HLCS: variants seen among roughly 807,000 people sequenced by gnomAD.
HLCS encodes the protein biotin--protein ligase.
In HLCS, 53 loss-of-function variants were observed where a neutral mutation model predicts 75.0. That is an observed-to-expected ratio of 0.71 (90% confidence interval 0.57 to 0.89). The LOEUF (loss-of-function observed/expected upper bound fraction) is 0.89. Among genes scored for constraint, HLCS ranks in the 40% least tolerant of loss-of-function variants. The probability of loss-of-function intolerance (pLI) is 0.00; values close to 1 mark genes in which losing one functional copy is unlikely to be tolerated. For missense variants in HLCS, 966 were observed against 1,074.0 expected (o/e 0.90, Z 1.41); for synonymous variants, 431 against 428.6 (o/e 1.01, Z -0.07).
At chr21:36,800,193 G>A (rs1308087717) in intron 6 of HLCS, among the ~76,000 whole-genome samples, 1 of 152,182 alleles carries the variant, frequency 6.6e-6, no homozygotes, top group Non-Finnish European at 1.5e-5. Context: ...CATGGTGAGA[G>A]CCTGAGGGAT....
At chr21:36,852,022 C>T (rs1399289741) in intron 6 of HLCS, 1 of 152,222 alleles carries the variant, frequency 6.6e-6, no homozygotes, top group Admixed American at 6.5e-5. Flanking sequence ...GCCGGGTGCT[C>T]TAGGCTTAAA....
intron 5 of HLCS, among the ~76,000 whole-genome samples, chr21:36,913,302 GA>G (rs2065799306): frequency 6.6e-6 from 1 of 152,056 alleles, no homozygotes; most frequent in South Asian, 2.1e-4. Flanking sequence ...AGCAAATTAG[GA>G]AATGCCTATT....
chr21:36,800,711 T>G (rs530130224), intron 6 of HLCS, among the ~76,000 whole-genome samples: 8 of 152,206 alleles, frequency 5.3e-5, no homozygotes, highest in African/African-American at 1.4e-4. Flanking sequence ...TACGCGATAT[T>G]CTCTCCCATC....
intron 6 of HLCS, among the ~76,000 whole-genome samples, chr21:36,890,551 C>A (rs1367529533): frequency 6.6e-6 from 1 of 152,146 alleles, no homozygotes; most frequent in African/African-American, 2.4e-5. Flanking sequence ...CAATCACAAA[C>A]ACACTTCCAA....
chr21:36,787,002 A>G (rs2060706975), intron 6 of HLCS, among the ~76,000 whole-genome samples: 2 of 152,198 alleles, frequency 1.3e-5, no homozygotes, highest in African/African-American at 4.8e-5. Context: ...GAAAGATGCG[A>G]CCATGTAGGG....
At chr21:36,983,331 C>T (rs185207499) in intron 1 of HLCS, among the ~76,000 whole-genome samples, 2,449 of 151,902 alleles carry the variant, frequency 0.016, 56 homozygotes, top group African/African-American at 0.055. Flanking sequence ...CTGCCTCAGC[C>T]TCCGAAGTAG....
chr21:36,953,523 T>A (rs1601860020), intron 2 of HLCS, among the ~76,000 whole-genome samples: 1 of 152,208 alleles, frequency 6.6e-6, no homozygotes, highest in African/African-American at 2.4e-5. Context: ...TTTGAGCCCC[T>A]GTAGCTCTGG....
At chr21:36,978,803 T>C (rs1027295135) in intron 1 of HLCS, among the ~76,000 whole-genome samples, 1 of 152,130 alleles carries the variant, frequency 6.6e-6, no homozygotes, top group Non-Finnish European at 1.5e-5. Flanking sequence ...CGGACTCAGC[T>C]GGGAACTCCA....
chr21:36,827,761 C>G (rs2062056293), intron 6 of HLCS, among the ~76,000 whole-genome samples: 1 of 151,536 alleles, frequency 6.6e-6, no homozygotes, highest in Admixed American at 6.6e-5. Context: ...AATTATACCC[C>G]CTATCCTTTT....
intron 5 of HLCS, among the ~76,000 whole-genome samples, chr21:36,898,175 G>C (rs1394540323): frequency 6.6e-6 from 1 of 152,180 alleles, no homozygotes; most frequent in East Asian, 1.9e-4. Flanking sequence ...TCCGCGCGCA[G>C]TGGTTCACAC....
At chr21:36,756,486 A>G in intron 10 of HLCS, 56 bp downstream of exon 10, 1 of 914,658 alleles carries the variant, frequency 1.1e-6, no homozygotes, top group East Asian at 2.5e-5. Flanking sequence ...AAAGATACAG[A>G]ACTACTAAGA....
chr21:36,756,534 G>A lies in HLCS; in HGVS notation c.2450+8C>T, dbSNP rs2123575052. The stretch of plus-strand genomic sequence containing the variant: ...AGTTGAAAAGAATGAAGATGAGCCA[G>A]CACTGACCTGTGGACCCAGTATCGG... On this transcript the variant is annotated splice_region_variant and intron_variant, in intron 10 of 10. Transcript: ENST00000674895. The A allele has an allele frequency of 1.3e-6, 2 of 1,529,840 alleles. No homozygotes were observed. The allele number at this position is 1,529,840 out of a possible 1,614,324, so 94.8% of individuals were successfully genotyped here. A position where few individuals can be genotyped will look rare whatever the true frequency, so the allele number is the denominator to read the frequency against.
At position 36,868,475 on chromosome 21, in the gene HLCS, T is replaced by C. The variant is rs533398644; in HGVS notation, c.1892+28385A>G. Among the ~76,000 whole-genome samples the C allele has an allele frequency of 2.6e-5, 4 of 152,112 alleles. No homozygotes were observed. The South Asian group carries it at 8.3e-4, about 32-fold the overall frequency. On this transcript the variant is annotated intron_variant, in intron 6 of 10. Coordinates refer to ENST00000674895, the MANE Select transcript of HLCS (RefSeq NM_001352514.2). ...CACTTTTAAATATATGAACAGAAAA[T>C]ATATCCATGTATTACTCATACAATT...
At chr21:36,788,538 G>C (rs769964135) in intron 6 of HLCS, among the ~76,000 whole-genome samples, 1 of 152,170 alleles carries the variant, frequency 6.6e-6, no homozygotes, top group African/African-American at 2.4e-5. Context: ...TTCTCATAAC[G>C]TTTTTTATGA....
At chr21:36,977,193 G>A (rs554241264) in intron 1 of HLCS, among the ~76,000 whole-genome samples, 2 of 152,088 alleles carry the variant, frequency 1.3e-5, no homozygotes, top group South Asian at 2.1e-4. Flanking sequence ...ATTTATCTTC[G>A]TCCAGCAGAG....
At chr21:36,962,997 T>C (rs1281163847) in intron 1 of HLCS, among the ~76,000 whole-genome samples, 1 of 152,030 alleles carries the variant, frequency 6.6e-6, no homozygotes, top group African/African-American at 2.4e-5. Flanking sequence ...AGTGTGCAAG[T>C]CTCTGGATGC....
At chr21:36,941,841 C>T (rs973371220) in intron 2 of HLCS, among the ~76,000 whole-genome samples, 8 of 152,138 alleles carry the variant, frequency 5.3e-5, no homozygotes, top group Non-Finnish European at 7.4e-5. Context: ...CTTGTCTCTA[C>T]TAAAAAATAC....
intron 6 of HLCS, among the ~76,000 whole-genome samples, chr21:36,850,534 A>C (rs1015513252): frequency 6.6e-6 from 1 of 152,200 alleles, no homozygotes; most frequent in African/African-American, 2.4e-5. Context: ...CCCCTCCCAG[A>C]GGCCAGCCCC....
At chr21:36,855,064 C>A (rs2063139784) in intron 6 of HLCS, among the ~76,000 whole-genome samples, 1 of 152,112 alleles carries the variant, frequency 6.6e-6, no homozygotes, top group Non-Finnish European at 1.5e-5. Flanking sequence ...GACCTTGCAG[C>A]CATCATATTC....
Sources: allele counts gnomAD v4.1 joint callset (sites outside exome capture counted in the v4.1 genomes callset), GRCh38; gene constraint gnomAD v4.1.1; transcripts MANE v1.5; gene names NCBI Gene and HGNC (gene_info 2026-07-23, HGNC 2026-07-21).